The following CSRNP2 variants were observed in gnomAD, a reference collection of about 807,000 sequenced individuals.
CSRNP2 encodes cysteine and serine rich nuclear protein 2.
Under a neutral mutation model 36.6 loss-of-function variants are expected in CSRNP2, and 11 were observed. The ratio of observed to expected loss-of-function variants is 0.30; its 90% CI spans 0.19 to 0.50. CSRNP2 has a LOEUF of 0.50. Among genes scored for constraint, CSRNP2 ranks in the 20% least tolerant of loss-of-function variants. The pLI, the probability that CSRNP2 is intolerant of heterozygous loss-of-function variation, is 0.98. For synonymous variants in CSRNP2, 248 were observed against 275.3 expected (o/e 0.90, Z 0.98); for missense variants, 483 against 691.4 (o/e 0.70, Z 3.38).
Position 51,073,878 on chromosome 12 carries a change from C to T in CSRNP2, c.356G>A (p.Arg119Gln), listed in dbSNP as rs777028747. The T allele has an allele frequency of 2.2e-5, 35 of 1,613,982 alleles. No individual in the cohort carries two copies. The highest frequency in any genetic ancestry group is 2.7e-5 in the African/African-American group (2 of 74,904). The change falls in exon 3 of 5, where the codon CGA (arginine) becomes CAA (glutamine). Residue 119 changes from arginine (R) to glutamine (Q), a missense_variant. Arg to Gln is a conservative substitution (Grantham distance 43, BLOSUM62 1). Around this residue, in one of 2 missense-constraint regions of CSRNP2, gnomAD observed 206 missense variants for 367.8 expected, o/e 0.56. Coordinates refer to ENST00000228515, the MANE Select transcript of CSRNP2 (RefSeq NM_030809.3). Reference protein sequence around the residue: ...EFAQEQEVNHREILREHLKEE... With the variant: ...EFAQEQEVNHQEILREHLKEE... Reference sequence around the variant, plus strand: ...CTTCAGGTGCTCACGCAGAATCTCTCGATGGTTCACCTCCTGTTCCTGGGC... The same window carrying T: ...CTTCAGGTGCTCACGCAGAATCTCTTGATGGTTCACCTCCTGTTCCTGGGC...
intron 4 of CSRNP2, among the ~76,000 whole-genome samples, chr12:51,065,995 T>C (rs1217524775): frequency 3.9e-5 from 6 of 152,182 alleles, no homozygotes; most frequent in Non-Finnish European, 8.8e-5. Context: ...TGTTTTCAAC[T>C]GAAATGTGTC....
rs1937863221 is a variant in CSRNP2 at position 51,064,173 on chromosome 12, G to A, written c.1205C>T (p.Thr402Ile). The A allele has an allele frequency of 6.2e-7, 1 of 1,614,222 alleles. No homozygotes were observed. Among genetic ancestry groups the A allele is most frequent in the Non-Finnish European group, 8.5e-7 (1 of 1,180,038 alleles). The part of the protein sequence containing the change: ...LCFTENSDHP[T>I]ASTVNSPSYL... ...GGATGGGCTGTTCACCGTTGAGGCA[G>A]TTGGGTGGTCTGAGTTCTCGGTAAA... The change falls in exon 5 of 5, where the codon ACT (threonine) becomes ATT (isoleucine). Residue 402 changes from threonine to isoleucine, a missense_variant. By Grantham distance (89) the Thr-to-Ile change is moderately conservative (BLOSUM62 -1). Transcript: ENST00000228515.
rs11542510 is a variant in CSRNP2, at chr12:51,064,071, G to A, written c.1307C>T (p.Thr436Met). Residue 436 changes from threonine to methionine, a missense_variant, in exon 5 of 5, where the codon ACG (threonine) becomes ATG (methionine). By Grantham distance (81) the Thr-to-Met change is moderately conservative. Coordinates refer to ENST00000228515, the MANE Select transcript of CSRNP2 (RefSeq NM_030809.3). Reference protein sequence around the residue: ...PVLGVKGEPGTEEGSASFPKE... With the variant: ...PVLGVKGEPGMEEGSASFPKE... ...TGGGAAAGAGGCTGAGCCTTCTTCC[G>A]TACCAGGCTCTCCTTTCACTCCCAA... 0.02 allele frequency: 32,048 copies of A among 1,614,066 alleles called. 807 individuals are homozygous for A. The highest frequency in any genetic ancestry group is 0.13 in the African/African-American group (9,744 of 75,002).
At chr12:51,066,401 C>A (rs1456981545) in intron 4 of CSRNP2, among the ~76,000 whole-genome samples, 3 of 148,634 alleles carry the variant, frequency 2.0e-5, no homozygotes, top group Non-Finnish European at 4.4e-5. Context: ...TGCAGCGAGC[C>A]GAGATCACGC....
chr12:51,064,675 C>T lies in CSRNP2; in HGVS notation c.709-6G>A, dbSNP rs758047907. 15 of 1,506,034 alleles carry T rather than the reference C, an allele frequency of 1.0e-5. No homozygotes were observed. Among genetic ancestry groups the T allele is most frequent in the African/African-American group, 1.4e-5 (1 of 71,674 alleles). 93.3% of individuals were successfully genotyped at this position (1,506,034 alleles called of 1,614,324 possible). On this transcript the variant is annotated splice_polypyrimidine_tract_variant and splice_region_variant and intron_variant, in intron 4 of 4. Coordinates refer to ENST00000228515, the MANE Select transcript of CSRNP2 (RefSeq NM_030809.3). ...GGAAAGGACATGCGATCCACCTGAG[C>T]GGGGACAAGAAGGTTGGGGCAAGAT... is the stretch of plus-strand genomic sequence containing the variant.
intron 1 of CSRNP2, among the ~76,000 whole-genome samples, chr12:51,080,516 TAAGA>T (rs1162414380): frequency 1.3e-5 from 2 of 152,152 alleles, no homozygotes; most frequent in African/African-American, 2.4e-5. Flanking sequence ...AGGAGATAGG[TAAGA>T]AAGAAGGAAA....
intron 3 of CSRNP2, among the ~76,000 whole-genome samples, chr12:51,070,988 A>G (rs990467318): frequency 1.3e-5 from 2 of 152,096 alleles, no homozygotes; most frequent in African/African-American, 2.4e-5. Context: ...CTGGCCGGAC[A>G]TGGTGGCTCA....
chr12:51,075,213 G>GT (rs1939345861), intron 2 of CSRNP2, among the ~76,000 whole-genome samples: 1 of 152,070 alleles, frequency 6.6e-6, no homozygotes, highest in Non-Finnish European at 1.5e-5. Context: ...CCAGGCCCAA[G>GT]TAATCCTCCC....
In CSRNP2 at chr12:51,063,017, T is replaced by C. The variant is rs1328569068; in HGVS notation, c.*729A>G. ...ACCATATCCCCAGCCAATCCAGCTC[T>C]TTCTCCGAAGGAAAAAGGATGGAGA... On this transcript the variant is annotated 3_prime_UTR_variant, in exon 5 of 5. Transcript: ENST00000228515. 2 of 152,192 alleles carry C rather than the reference T, an allele frequency of 1.3e-5. No homozygotes were observed. 9.4% of individuals were successfully genotyped at this position (152,192 alleles called of 1,614,324 possible).
rs754882627 is a variant in CSRNP2 at position 51,062,787 on chromosome 12, TC to T, written c.*958del. 6.6e-6 allele frequency: 1 copy of T among 152,288 alleles called. No homozygotes were observed. The highest frequency in any genetic ancestry group is 2.4e-5 in the African/African-American group (1 of 41,436). 9.4% of individuals were successfully genotyped at this position (152,288 alleles called of 1,614,324 possible). A position where few individuals can be genotyped will look rare whatever the true frequency, so the allele number is the denominator to read the frequency against. ...ATTCTACATTCCACTAAAGCTCAGA[TC>T]TCACAAAGAGGGAAAAACCTGGGTG... On this transcript the variant is annotated 3_prime_UTR_variant, in exon 5 of 5. Coordinates refer to ENST00000228515, the MANE Select transcript of CSRNP2 (RefSeq NM_030809.3).
At chr12:51,078,139 C>G (rs1188618859) in intron 1 of CSRNP2, among the ~76,000 whole-genome samples, 1 of 152,234 alleles carries the variant, frequency 6.6e-6, no homozygotes, top group African/African-American at 2.4e-5. Flanking sequence ...TGCAGAGCAG[C>G]TACCCAGAAT....
Position 51,062,227 on chromosome 12 carries a change from T to A in CSRNP2, c.*1519A>T, listed in dbSNP as rs532612170. 1 of 152,286 alleles carries A rather than the reference T, an allele frequency of 6.6e-6. No homozygotes were observed. The highest frequency in any genetic ancestry group is 6.5e-5 in the Admixed American group (1 of 15,278). The allele number at this position is 152,286 out of a possible 1,614,324, so 9.4% of individuals were successfully genotyped here. On this transcript the variant is annotated 3_prime_UTR_variant, in exon 5 of 5. Transcript: ENST00000228515. ...CCTTAATATCCCACCAGAAAAGGCTTTATGAGCAAGATAAGTAGGAGTAGT... is the reference window on the plus strand; with the variant it reads ...CCTTAATATCCCACCAGAAAAGGCTATATGAGCAAGATAAGTAGGAGTAGT...
chr12:51,062,497 C>A lies in CSRNP2; in HGVS notation c.*1249G>T, dbSNP rs1566168373. Reference sequence around the variant, plus strand: ...TGACAGAGGTAAGAACTGAATCAAACTGAATGAGTTCCATTCTATACGCTT... The same window carrying A: ...TGACAGAGGTAAGAACTGAATCAAAATGAATGAGTTCCATTCTATACGCTT... On this transcript the variant is annotated 3_prime_UTR_variant, in exon 5 of 5. Coordinates refer to ENST00000228515, the MANE Select transcript of CSRNP2 (RefSeq NM_030809.3). 2 of 152,206 alleles carry A rather than the reference C, an allele frequency of 1.3e-5. No homozygotes were observed. Among genetic ancestry groups the A allele is most frequent in the South Asian group, 4.1e-4 (2 of 4,836 alleles). 9.4% of individuals were successfully genotyped at this position (152,206 alleles called of 1,614,324 possible).
chr12:51,078,337 G>T (rs1316082648), intron 1 of CSRNP2, among the ~76,000 whole-genome samples: 1 of 151,822 alleles, frequency 6.6e-6, no homozygotes, highest in Non-Finnish European at 1.5e-5. Flanking sequence ...ATGTACCTAA[G>T]AAACCTCAGC....
intron 3 of CSRNP2, among the ~76,000 whole-genome samples, chr12:51,070,526 TTAAA>T (rs1939058703): frequency 6.6e-6 from 1 of 152,078 alleles, no homozygotes; most frequent in Non-Finnish European, 1.5e-5. Flanking sequence ...ATGTGAGAAT[TTAAA>T]TATCGAGATA....
intron 1 of CSRNP2, 28 bp from the exon 2 acceptor site, chr12:51,076,675 T>C: frequency 1.6e-6 from 2 of 1,222,632 alleles, no homozygotes; most frequent in East Asian, 4.7e-5. Context: ...GGAATCAGCA[T>C]TCCTGTCCCC....
chr12:51,079,653 A>G (rs1489433768), intron 1 of CSRNP2, among the ~76,000 whole-genome samples: 2 of 151,334 alleles, frequency 1.3e-5, no homozygotes, highest in Non-Finnish European at 2.9e-5. Context: ...CATGCCTGTA[A>G]TCCAGCTACT....
chr12:51,073,234 T>C (rs1010280387), intron 3 of CSRNP2, among the ~76,000 whole-genome samples: 5 of 111,740 alleles, frequency 4.5e-5, no homozygotes, highest in Non-Finnish European at 9.9e-5. Flanking sequence ...AAAACATACA[T>C]ACATACATAC....
chr12:51,071,240 A>T (rs905263506), intron 3 of CSRNP2, among the ~76,000 whole-genome samples: 21 of 140,640 alleles, frequency 1.5e-4, no homozygotes, highest in African/African-American at 5.3e-4. Flanking sequence ...AGCCTGGGCA[A>T]CGGAGTGAGA....
Sources: allele counts gnomAD v4.1 joint callset (sites outside exome capture counted in the v4.1 genomes callset), GRCh38; gene constraint gnomAD v4.1.1; regional missense constraint gnomAD v4.1.1; transcripts MANE v1.5; gene names NCBI Gene and HGNC (gene_info 2026-07-23, HGNC 2026-07-21).